RASGRP1: variants seen among roughly 807,000 people sequenced by gnomAD.
RASGRP1 encodes RAS guanyl-releasing protein 1.
A neutral mutation model predicts 95.1 loss-of-function variants in RASGRP1; 37 were observed. The observed-to-expected ratio is 0.39, with a 90% CI of 0.30 to 0.51. RASGRP1 has a LOEUF of 0.51. Among genes scored for constraint, RASGRP1 ranks in the 20% least tolerant of loss-of-function variants. RASGRP1 has a pLI of 0.80. For missense variants in RASGRP1, 711 were observed against 965.4 expected (o/e 0.74, Z 3.49); for synonymous variants, 325 against 353.4 (o/e 0.92, Z 0.90).
At chr15:38,548,717 TAC>T (rs1350366574) in intron 2 of RASGRP1, among the ~76,000 whole-genome samples, 2 of 152,232 alleles carry the variant, frequency 1.3e-5, no homozygotes, top group Non-Finnish European at 2.9e-5. Flanking sequence ...TGTGTATGTG[TAC>T]ACACACATAA....
chr15:38,495,911 A>G (rs987416568), intron 15 of RASGRP1, among the ~76,000 whole-genome samples: 1 of 152,120 alleles, frequency 6.6e-6, no homozygotes, highest in Admixed American at 6.5e-5. Context: ...TCCATTATTT[A>G]GGTTGAATTC....
Position 38,512,815 on chromosome 15 carries a change from C to T in RASGRP1, c.817G>A (p.Glu273Lys). 6.2e-7 allele frequency: 1 copy of T among 1,613,760 alleles called. No homozygotes were observed. The highest frequency in any genetic ancestry group is 8.5e-7 in the Non-Finnish European group (1 of 1,179,758). ...LSRPTPQLRA[E>K]VFIKFIQVAQ... ...ACCTGGATGAACTTGATGAAGACTT[C>T]TGCTCGGAGCTGCGGCGTGGGGCGG... is the stretch of plus-strand genomic sequence containing the variant. Residue 273 changes from glutamate to lysine, a missense_variant, in exon 7 of 17, where the codon GAA becomes AAA. Physicochemically the swap from Glu to Lys is moderately conservative, Grantham distance 56 (BLOSUM62 1). Coordinates refer to ENST00000310803, the MANE Select transcript of RASGRP1 (RefSeq NM_005739.4).
intron 2 of RASGRP1, among the ~76,000 whole-genome samples, chr15:38,553,527 C>T (rs1175607210): frequency 6.6e-6 from 1 of 152,174 alleles, no homozygotes; most frequent in Non-Finnish European, 1.5e-5. Context: ...CTACTGTAGT[C>T]CTCTGACCCA....
intron 14 of RASGRP1, chr15:38,499,149 C>T (rs1398702855): frequency 2.7e-6 from 2 of 727,478 alleles, no homozygotes; most frequent in Non-Finnish European, 4.9e-6. Flanking sequence ...TAGCCCTTAT[C>T]AGTGAATCTC....
chr15:38,521,424 G>T (rs1162276018), intron 3 of RASGRP1, among the ~76,000 whole-genome samples: 3 of 152,192 alleles, frequency 2.0e-5, no homozygotes, highest in Admixed American at 6.5e-5. Flanking sequence ...TTCTGACAGT[G>T]CACGTTGGCT....
chr15:38,527,903 G>A (rs984444194), intron 2 of RASGRP1, among the ~76,000 whole-genome samples: 4 of 152,098 alleles, frequency 2.6e-5, no homozygotes, highest in Non-Finnish European at 4.4e-5. Context: ...AGGCTGCAGT[G>A]AGCTATGATA....
At chr15:38,563,309 A>G (rs1218029068) in intron 1 of RASGRP1, among the ~76,000 whole-genome samples, 2 of 152,232 alleles carry the variant, frequency 1.3e-5, no homozygotes, top group Admixed American at 1.3e-4. Context: ...CAGTAGCCAA[A>G]TGTTTTCCTG....
chr15:38,502,506 T>G, intron 11 of RASGRP1, 85 bp from the exon 12 acceptor site: 1 of 826,996 alleles, frequency 1.2e-6, no homozygotes, highest in Non-Finnish European at 1.9e-6. Context: ...GCTGGGGCAG[T>G]TGGATAAAAG....
chr15:38,507,762 G>A lies in RASGRP1; in HGVS notation c.1206C>T (p.Pro402=), dbSNP rs1309080157. Residue 402 remains proline, a synonymous_variant, in exon 9 of 17, where the codon CCC becomes CCT. Transcript: ENST00000310803. The part of the protein sequence containing the change: ...ELVQLQEVAP[P]LEANKDLVHL... ...GTACCAAGTCCTTGTTAGCCTCCAA[G>A]GGTGGGGCCACCTCTTGCAGCTGGA... 3.1e-6 allele frequency: 5 copies of A among 1,591,330 alleles called. No individual in the cohort carries two copies. Among genetic ancestry groups the A allele is most frequent in the Non-Finnish European group, 4.3e-6 (5 of 1,168,672 alleles).
chr15:38,495,640 T>C (rs1890767673), intron 15 of RASGRP1, among the ~76,000 whole-genome samples: 1 of 152,232 alleles, frequency 6.6e-6, no homozygotes, highest in Admixed American at 6.5e-5. Context: ...CTTACAAAGA[T>C]CTTAGTTTAA....
At chr15:38,528,077 G>A (rs1892298228) in intron 2 of RASGRP1, among the ~76,000 whole-genome samples, 1 of 151,920 alleles carries the variant, frequency 6.6e-6, no homozygotes, top group East Asian at 1.9e-4. Flanking sequence ...CTTATCCCCT[G>A]CCCTCTCCTG....
At chr15:38,527,863 G>T (rs1235063761) in intron 2 of RASGRP1, among the ~76,000 whole-genome samples, 1 of 152,094 alleles carries the variant, frequency 6.6e-6, no homozygotes, top group African/African-American at 2.4e-5. Context: ...GGAGGTCAAG[G>T]TGGGAGGATC....
At chr15:38,515,872 G>A (rs140039698) in intron 6 of RASGRP1, among the ~76,000 whole-genome samples, 143 of 137,512 alleles carry the variant, frequency 1.0e-3, no homozygotes, top group African/African-American at 3.6e-3. Context: ...GGGTATGAGG[G>A]TAGAATGAGA....
chr15:38,551,560 AC>A (rs1181117990), intron 2 of RASGRP1, among the ~76,000 whole-genome samples: 1 of 152,232 alleles, frequency 6.6e-6, no homozygotes, highest in Admixed American at 6.5e-5. Flanking sequence ...GATTAAAATG[AC>A]AATGGACTAT....
intron 16 of RASGRP1, among the ~76,000 whole-genome samples, chr15:38,490,992 T>G (rs911914398): frequency 6.6e-6 from 1 of 152,156 alleles, no homozygotes; most frequent in Non-Finnish European, 1.5e-5. Context: ...TCGCGGGAGA[T>G]CTCAACTTGG....
rs374321340 is a variant in RASGRP1 at position 38,494,698 on chromosome 15, C to T, written c.1943G>A (p.Arg648Gln). Residue 648 changes from arginine to glutamine, a missense_variant, in exon 16 of 17, where the codon CGG becomes CAG. Transcript: ENST00000310803. ...AVEHGEESKD[R>Q]TIMLMGVSSQ... ...GGACACTCCCATCAGCATGATGGTC[C>T]GATCCTTACTCTCCTCACCATGTTC... 17 of 1,527,002 alleles carry T rather than the reference C, an allele frequency of 1.1e-5. No homozygotes were observed. The highest frequency in any genetic ancestry group is 9.0e-5 in the East Asian group (4 of 44,260). The allele number at this position is 1,527,002 out of a possible 1,614,324, so 94.6% of individuals were successfully genotyped here.
intron 2 of RASGRP1, among the ~76,000 whole-genome samples, chr15:38,554,602 C>A (rs1367023948): frequency 6.6e-6 from 1 of 152,172 alleles, no homozygotes; most frequent in East Asian, 1.9e-4. Flanking sequence ...GTCACTGAAA[C>A]CCATGCTCAT....
At chr15:38,507,131 C>T (rs1029476312) in intron 9 of RASGRP1, among the ~76,000 whole-genome samples, 7 of 152,158 alleles carry the variant, frequency 4.6e-5, no homozygotes, top group Admixed American at 2.0e-4. Context: ...GAATCTTGGA[C>T]GGTTATATGT....
In RASGRP1 at chr15:38,533,112, T is replaced by A. The variant is rs532587840; in HGVS notation, c.221-6708A>T. On this transcript the variant is annotated intron_variant, in intron 2 of 16. Coordinates refer to ENST00000310803, the MANE Select transcript of RASGRP1 (RefSeq NM_005739.4). ...TTTGGTTTCCAAGGAAATCTCTTGA[T>A]GTGTGAAGGTATTTTGAGTGTACCA... Among the ~76,000 whole-genome samples, 3 of 152,296 alleles carry A rather than the reference T, an allele frequency of 2.0e-5. No homozygotes were observed. In the South Asian group the frequency reaches 6.2e-4, roughly 32 times the overall value.
Sources: gnomAD v4.1 joint callset for allele counts (sites outside exome capture counted in the v4.1 genomes callset) on GRCh38, gnomAD v4.1.1 for gene constraint, MANE v1.5 for transcripts, NCBI Gene and HGNC (gene_info 2026-07-23, HGNC 2026-07-21) for gene names.